Variants in CFTR observed in about 807,000 individuals in gnomAD.
CFTR encodes the protein CF transmembrane conductance regulator, also known as cystic fibrosis transmembrane conductance regulator.
A neutral mutation model predicts 171.6 loss-of-function variants in CFTR; 181 were observed. The observed-to-expected ratio is 1.05, with a 90% CI of 0.93 to 1.19. The LOEUF (loss-of-function observed/expected upper bound fraction) is 1.19. CFTR is among the 50% of genes most tolerant of loss of function. The pLI, the probability that CFTR is intolerant of heterozygous loss-of-function variation, is 0.00. For synonymous variants in CFTR, 583 were observed against 608.0 expected (o/e 0.96, Z 0.60); for missense variants, 1,968 against 1,734.7 (o/e 1.13, Z -2.39).
intron 24 of CFTR, among the ~76,000 whole-genome samples, chr7:117,660,091 T>TG (rs1487823334): frequency 6.6e-6 from 1 of 152,086 alleles, no homozygotes; most frequent in Non-Finnish European, 1.5e-5. Context: ...CACAGCAGTT[T>TG]GGGAAGTACA....
rs377092548 is a variant in CFTR, at chr7:117,546,107, C to T, written c.1210-2534C>T. Among the ~76,000 whole-genome samples the T allele has an allele frequency of 3.7e-4, 56 of 152,214 alleles. No homozygotes were observed. In the East Asian group the frequency reaches 7.1e-3, roughly 19 times the overall value. On this transcript the variant is annotated intron_variant, in intron 9 of 26. Coordinates refer to ENST00000003084, the MANE Select transcript of CFTR (RefSeq NM_000492.4). ...TGCCCGGGTTCAAGCGATTCTCCTG[C>T]CTCAGCCTCCTGAGTAGCTGGGATT...
rs561912322 is a variant in CFTR at position 117,488,379 on chromosome 7, T to G, written c.53+8232T>G. Among the ~76,000 whole-genome samples, 4 of 152,246 alleles carry G rather than the reference T, an allele frequency of 2.6e-5. No homozygotes were observed. The South Asian group carries it at 8.3e-4, about 32-fold the overall frequency. On this transcript the variant is annotated intron_variant, in intron 1 of 26. Transcript: ENST00000003084. The stretch of plus-strand genomic sequence containing the variant: ...CTATAACTTTTTTTCGGTAACTGAA[T>G]AATTTTAAAAGTAAGTGAAACATTT...
chr7:117,562,636 A>G (rs1326374342), intron 11 of CFTR, among the ~76,000 whole-genome samples: 1 of 152,126 alleles, frequency 6.6e-6, no homozygotes, highest in African/African-American at 2.4e-5. Flanking sequence ...TGTAGTGAGC[A>G]TGGTGGGTAT....
intron 7 of CFTR, among the ~76,000 whole-genome samples, chr7:117,538,000 T>A (rs1798985913): frequency 6.6e-6 from 1 of 152,206 alleles, no homozygotes; most frequent in Non-Finnish European, 1.5e-5. Context: ...GGTGCTGATT[T>A]TACTTTGTTT....
At chr7:117,571,117 G>A (rs1448605589) in intron 11 of CFTR, among the ~76,000 whole-genome samples, 1 of 152,148 alleles carries the variant, frequency 6.6e-6, no homozygotes, top group Non-Finnish European at 1.5e-5. Flanking sequence ...CCAGGTGGTG[G>A]ACAGTCAGCA....
intron 20 of CFTR, among the ~76,000 whole-genome samples, chr7:117,612,041 AT>A (rs1562915143): frequency 5.4e-4 from 40 of 74,060 alleles, no homozygotes; most frequent in Non-Finnish European, 5.6e-4. Context: ...ATATATATAT[AT>A]ATATATATAT....
At chr7:117,637,588 G>A (rs1792846722) in intron 22 of CFTR, among the ~76,000 whole-genome samples, 2 of 152,064 alleles carry the variant, frequency 1.3e-5, no homozygotes, top group Non-Finnish European at 2.9e-5. Context: ...AGAATAGAAT[G>A]CTCTGGGGCC....
At chr7:117,625,067 A>G (rs1792631836) in intron 21 of CFTR, among the ~76,000 whole-genome samples, 1 of 152,166 alleles carries the variant, frequency 6.6e-6, no homozygotes, top group Non-Finnish European at 1.5e-5. Flanking sequence ...ACAACTGACC[A>G]TGGTGAAAGT....
chr7:117,559,928 CATT>C (rs1799433035), intron 11 of CFTR, among the ~76,000 whole-genome samples: 1 of 151,888 alleles, frequency 6.6e-6, no homozygotes, highest in Non-Finnish European at 1.5e-5. Context: ...TTTGTTCACT[CATT>C]AGTGAGACAA....
At chr7:117,619,743 A>G (rs944426892) in intron 21 of CFTR, among the ~76,000 whole-genome samples, 1 of 152,214 alleles carries the variant, frequency 6.6e-6, no homozygotes, top group Admixed American at 6.5e-5. Context: ...TAAGAAAGCC[A>G]CCAGGGTGAG....
chr7:117,486,689 G>T (rs1381828138), intron 1 of CFTR, among the ~76,000 whole-genome samples: 10 of 151,918 alleles, frequency 6.6e-5, no homozygotes, highest in Admixed American at 5.3e-4. Context: ...GATGGGTCTG[G>T]AAACTCTAGC....
intron 1 of CFTR, among the ~76,000 whole-genome samples, chr7:117,498,518 G>A (rs1289175884): frequency 6.6e-6 from 1 of 152,158 alleles, no homozygotes. Flanking sequence ...GAGCTGGATA[G>A]TATCACTTTG....
chr7:117,624,804 C>T (rs181135009), intron 21 of CFTR, among the ~76,000 whole-genome samples: 25 of 152,196 alleles, frequency 1.6e-4, no homozygotes, highest in Non-Finnish European at 3.7e-4. Context: ...TGGCTTTTGG[C>T]GCTTAATGGC....
At chr7:117,578,709 A>G (rs1791809289) in intron 11 of CFTR, among the ~76,000 whole-genome samples, 1 of 152,166 alleles carries the variant, frequency 6.6e-6, no homozygotes, top group Admixed American at 6.6e-5. Flanking sequence ...TCTAAGGGTA[A>G]AATCTTGTCT....
At chr7:117,480,193 A>C (rs753943848) in intron 1 of CFTR, 46 bp downstream of exon 1, 2 of 1,581,692 alleles carry the variant, frequency 1.3e-6, no homozygotes, top group South Asian at 2.2e-5. Context: ...GTGCCCACGA[A>C]AGAGGAGGGC....
At position 117,652,913 on chromosome 7, in the gene CFTR, A is replaced by G. The variant is rs1554396417; in HGVS notation, c.3945A>G (p.Ile1315Met). 1.2e-6 allele frequency: 2 copies of G among 1,604,526 alleles called. No individual in the cohort carries two copies. Among genetic ancestry groups the G allele is most frequent in the Non-Finnish European group, 1.7e-6 (2 of 1,172,364 alleles). Residue 1315 changes from isoleucine (I) to methionine (M), a missense_variant, in exon 24 of 27, where the codon ATA becomes ATG. Ile to Met is a conservative substitution (Grantham distance 10). Coordinates refer to ENST00000003084, the MANE Select transcript of CFTR (RefSeq NM_000492.4). ...DPYEQWSDQE[I>M]WKVADEVGLR... is the part of the protein sequence containing the mutation. ...ATGAACAGTGGAGTGATCAAGAAATATGGAAAGTTGCAGATGAGGTAAGGC... is the reference window on the plus strand; with the variant it reads ...ATGAACAGTGGAGTGATCAAGAAATGTGGAAAGTTGCAGATGAGGTAAGGC...
chr7:117,533,195 A>T (rs1798890652), intron 4 of CFTR, among the ~76,000 whole-genome samples: 1 of 152,158 alleles, frequency 6.6e-6, no homozygotes. Flanking sequence ...TTACTAAGTT[A>T]TGTGCAATTT....
chr7:117,515,324 TG>T (rs1277809041), intron 3 of CFTR, among the ~76,000 whole-genome samples: 3 of 152,230 alleles, frequency 2.0e-5, no homozygotes, highest in Non-Finnish European at 4.4e-5. Context: ...AGTTAATTTT[TG>T]TATAAGGTAT....
At chr7:117,501,257 AC>A (rs1233134214) in intron 1 of CFTR, among the ~76,000 whole-genome samples, 2 of 152,156 alleles carry the variant, frequency 1.3e-5, no homozygotes, top group Non-Finnish European at 2.9e-5. Flanking sequence ...CCATCCACAC[AC>A]AGTGCCATTA....
Sources: allele counts gnomAD v4.1 joint callset (sites outside exome capture counted in the v4.1 genomes callset), GRCh38; gene constraint gnomAD v4.1.1; transcripts MANE v1.5; gene names NCBI Gene and HGNC (gene_info 2026-07-23, HGNC 2026-07-21).